TMEM144: variants seen among roughly 807,000 people sequenced by gnomAD.
The protein encoded by TMEM144 is transmembrane protein 144.
TMEM144 carries 39 observed loss-of-function variants against 43.6 expected under a neutral mutation model. The ratio of observed to expected loss-of-function variants is 0.90; its 90% CI spans 0.69 to 1.17. TMEM144 has a LOEUF of 1.17. TMEM144 is among the 50% of genes most tolerant of loss of function. The pLI is 0.00. For missense variants in TMEM144, 417 were observed against 411.9 expected (o/e 1.01, Z -0.11); for synonymous variants, 154 against 133.6 (o/e 1.15, Z -1.06).
At chr4:158,219,776 C>T (rs1402018172) in intron 6 of TMEM144, among the ~76,000 whole-genome samples, 1 of 152,184 alleles carries the variant, frequency 6.6e-6, no homozygotes, top group Non-Finnish European at 1.5e-5. Flanking sequence ...GTCACTGATT[C>T]TCTCTTCTAT....
At position 158,222,265 on chromosome 4, in the gene TMEM144, A is replaced by C. The variant is rs190519575; in HGVS notation, c.413+2875A>C. ...GGGCATGTCATTGTCCTGTTTAAAA[A>C]CCTTTGAATGTTCCCCACTGAATTC... On this transcript the variant is annotated intron_variant, in intron 6 of 12. Coordinates refer to ENST00000296529, the MANE Select transcript of TMEM144 (RefSeq NM_018342.5). Among the ~76,000 whole-genome samples, 8 of 152,142 alleles carry C rather than the reference A, an allele frequency of 5.3e-5. No individual in the cohort carries two copies. The East Asian group carries it at 9.7e-4, about 18-fold the overall frequency.
intron 6 of TMEM144, among the ~76,000 whole-genome samples, chr4:158,223,847 ATTGTAAATAG>A (rs2111114295): frequency 6.6e-6 from 1 of 152,242 alleles, no homozygotes; most frequent in South Asian, 2.1e-4. Flanking sequence ...TGACTTTGCT[ATTGTAAATAG>A]TGCTGCAATA....
chr4:158,230,186 T>G (rs1735003915), intron 6 of TMEM144, among the ~76,000 whole-genome samples: 1 of 152,214 alleles, frequency 6.6e-6, no homozygotes, highest in Admixed American at 6.5e-5. Context: ...TTTCCCCAGC[T>G]GGGTAGCATG....
chr4:158,248,807 G>A (rs917487658), intron 12 of TMEM144, among the ~76,000 whole-genome samples: 13 of 152,164 alleles, frequency 8.5e-5, no homozygotes, highest in African/African-American at 2.9e-4. Flanking sequence ...GAATAAAGCT[G>A]AGAGCCAAGC....
At chr4:158,220,791 A>G (rs1734471564) in intron 6 of TMEM144, among the ~76,000 whole-genome samples, 2 of 152,280 alleles carry the variant, frequency 1.3e-5, no homozygotes, top group South Asian at 4.1e-4. Context: ...ACTTTATGTT[A>G]CAGTAGGCAG....
chr4:158,211,037 A>G (rs958964471), intron 1 of TMEM144: 10 of 152,266 alleles, frequency 6.6e-5, no homozygotes, highest in African/African-American at 2.4e-4. Flanking sequence ...AATGTGCTGG[A>G]TGGAGTGATA....
At chr4:158,232,029 A>T (rs1365433484) in intron 6 of TMEM144, among the ~76,000 whole-genome samples, 1 of 152,196 alleles carries the variant, frequency 6.6e-6, no homozygotes, top group East Asian at 1.9e-4. Flanking sequence ...TTTTGTTTGA[A>T]ATGTTGAACC....
intron 7 of TMEM144, chr4:158,234,540 CA>C (rs796557173): frequency 4.4e-4 from 58 of 132,438 alleles, no homozygotes; most frequent in Middle Eastern, 3.8e-3. Flanking sequence ...AACTCCATCT[CA>C]AAAAAAAAAA....
At chr4:158,252,855 TA>T (rs1736280116) in intron 12 of TMEM144, among the ~76,000 whole-genome samples, 1 of 149,424 alleles carries the variant, frequency 6.7e-6, no homozygotes, top group Non-Finnish European at 1.5e-5. Flanking sequence ...ACCCAAAGCA[TA>T]ACAAGTGCTC....
rs368114441 is a variant in TMEM144, at chr4:158,244,317, A to G, written c.922A>G (p.Met308Val). ...TAAGGGTCCAGGATTTATAGCTGCA[A>G]TGTGGGGTATCTTCATGTTTAAGGA... ...ITAGPGFIAAMWGIFMFKEIK... is the reference protein window; with the variant it reads ...ITAGPGFIAAVWGIFMFKEIK... The change falls in exon 12 of 13, where the codon ATG becomes GTG. Residue 308 changes from methionine (M) to valine (V), a missense_variant. Transcript: ENST00000296529. 1.2e-6 allele frequency: 2 copies of G among 1,607,612 alleles called. No homozygotes were observed. Among genetic ancestry groups the G allele is most frequent in the South Asian group, 1.1e-5 (1 of 89,928 alleles).
At chr4:158,248,123 TAAA>T (rs753919532) in intron 12 of TMEM144, among the ~76,000 whole-genome samples, 348 of 99,612 alleles carry the variant, frequency 3.5e-3, no homozygotes, top group African/African-American at 0.011. Context: ...AGCAAAGAAT[TAAA>T]AAAAAAAAAA....
chr4:158,228,360 A>G (rs1734881630), intron 6 of TMEM144, among the ~76,000 whole-genome samples: 1 of 151,772 alleles, frequency 6.6e-6, no homozygotes, highest in African/African-American at 2.4e-5. Flanking sequence ...GCTGTCAAGC[A>G]ATTCAAACCA....
intron 3 of TMEM144, chr4:158,214,084 T>C (rs1734101392): frequency 6.6e-6 from 1 of 152,296 alleles, no homozygotes; most frequent in South Asian, 2.1e-4. Context: ...TCACCGAGGA[T>C]GGAGTGAAGT....
Position 158,254,313 on chromosome 4 carries a change from G to A in TMEM144, c.*786G>A, listed in dbSNP as rs566373559. ...ATTTAAAGGAAACAACCACTCTTTT[G>A]AATGTACAACTTTTTTTTCTGAAAT... is the stretch of plus-strand genomic sequence containing the variant. On this transcript the variant is annotated 3_prime_UTR_variant, in exon 13 of 13. Coordinates refer to ENST00000296529, the MANE Select transcript of TMEM144 (RefSeq NM_018342.5). 1 of 151,994 alleles carries A rather than the reference G, an allele frequency of 6.6e-6. No homozygotes were observed. Among genetic ancestry groups the A allele is most frequent in the Admixed American group, 6.6e-5 (1 of 15,256 alleles). 9.4% of individuals were successfully genotyped at this position (151,994 alleles called of 1,614,324 possible).
At chr4:158,227,703 C>G (rs924506861) in intron 6 of TMEM144, among the ~76,000 whole-genome samples, 13 of 152,098 alleles carry the variant, frequency 8.5e-5, no homozygotes, top group Admixed American at 1.3e-4. Context: ...AACCAGTAAC[C>G]AAACGTCTAT....
At chr4:158,226,539 G>A (rs1026642035) in intron 6 of TMEM144, among the ~76,000 whole-genome samples, 4 of 151,998 alleles carry the variant, frequency 2.6e-5, no homozygotes, top group African/African-American at 9.7e-5. Context: ...ACCTTTTAAT[G>A]TAGGTAAAAA....
chr4:158,253,434 T>G lies in TMEM144; in HGVS notation c.955-10T>G. On this transcript the variant is annotated splice_polypyrimidine_tract_variant and intron_variant, in intron 12 of 12. Coordinates refer to ENST00000296529, the MANE Select transcript of TMEM144 (RefSeq NM_018342.5). ...CTTATTCATCACTGTTATTCTTTTT[T>G]CTTATTCAGGGTCTACAAAACTACC... 6.2e-7 allele frequency: 1 copy of G among 1,607,402 alleles called. No individual in the cohort carries two copies. Among genetic ancestry groups the G allele is most frequent in the Non-Finnish European group, 8.5e-7 (1 of 1,175,442 alleles).
chr4:158,211,675 G>C (rs1733966558), intron 2 of TMEM144, 101 bp downstream of exon 2: 1 of 152,192 alleles, frequency 6.6e-6, no homozygotes, highest in African/African-American at 2.4e-5. Context: ...ATGTGCCTCA[G>C]TGTGTCTTCC....
At chr4:158,215,358 TAA>T (rs1204596841) in intron 4 of TMEM144, 45 bp downstream of exon 4, 3 of 1,594,350 alleles carry the variant, frequency 1.9e-6, no homozygotes. Flanking sequence ...AACATAATGA[TAA>T]AAATAATTCT....
Sources: gnomAD v4.1 joint callset for allele counts (sites outside exome capture counted in the v4.1 genomes callset) on GRCh38, gnomAD v4.1.1 for gene constraint, MANE v1.5 for transcripts, NCBI Gene and HGNC (gene_info 2026-07-23, HGNC 2026-07-21) for gene names.